APPBP2: variants seen among roughly 807,000 people sequenced by gnomAD.
APPBP2 encodes the protein amyloid protein-binding protein 2.
A neutral mutation model predicts 76.0 loss-of-function variants in APPBP2; 15 were observed. The observed-to-expected ratio is 0.20, with a 90% CI of 0.13 to 0.30. The LOEUF (loss-of-function observed/expected upper bound fraction) is 0.30. Among genes scored for constraint, APPBP2 ranks in the 10% least tolerant of loss-of-function variants. The probability of loss-of-function intolerance (pLI) is 1.00; values close to 1 mark genes in which losing one functional copy is unlikely to be tolerated. For missense variants in APPBP2, 401 were observed against 687.2 expected (o/e 0.58, Z 4.66); for synonymous variants, 222 against 242.2 (o/e 0.92, Z 0.77).
intron 1 of APPBP2, among the ~76,000 whole-genome samples, chr17:60,517,269 T>C (rs1391368326): frequency 1.3e-5 from 2 of 152,098 alleles, no homozygotes; most frequent in Non-Finnish European, 2.9e-5. Flanking sequence ...AGCCACCATG[T>C]TGGGCCTTTT....
chr17:60,525,810 A>C lies in APPBP2; in HGVS notation c.122T>G (p.Phe41Cys). The C allele has an allele frequency of 1.2e-6, 2 of 1,612,976 alleles. No individual in the cohort carries two copies. Among genetic ancestry groups the C allele is most frequent in the Non-Finnish European group, 1.7e-6 (2 of 1,179,832 alleles). The change falls in exon 1 of 13, where the codon TTT (phenylalanine) becomes TGT (cysteine). Residue 41 changes from phenylalanine (F) to cysteine (C), a missense_variant. Transcript: ENST00000083182. Reference sequence around the variant, plus strand: ...GGCGCATACCTTGTAGTAAACATCAAACTGGATGTTCTCGGGCAAGGAGCG... The same window carrying C: ...GGCGCATACCTTGTAGTAAACATCACACTGGATGTTCTCGGGCAAGGAGCG... ...DIRSLPENIQ[F>C]DVYYKLYQQG...
chr17:60,470,952 G>T (rs2090547958), intron 4 of APPBP2, among the ~76,000 whole-genome samples: 1 of 149,828 alleles, frequency 6.7e-6, no homozygotes, highest in Non-Finnish European at 1.5e-5. Context: ...CACCACGCCT[G>T]GCTAATTTTT....
At chr17:60,487,134 CT>C (rs1350607291) in intron 3 of APPBP2, among the ~76,000 whole-genome samples, 2 of 151,848 alleles carry the variant, frequency 1.3e-5, no homozygotes, top group African/African-American at 4.8e-5. Context: ...ACATTTTTTC[CT>C]TCATTTTTAT....
At chr17:60,496,558 A>G (rs541332937) in intron 2 of APPBP2, 1 of 152,320 alleles carries the variant, frequency 6.6e-6, no homozygotes, top group African/African-American at 2.4e-5. Context: ...AATGTTTTTA[A>G]AAGTTTTTCT....
At chr17:60,470,402 G>A (rs1475272070) in intron 4 of APPBP2, among the ~76,000 whole-genome samples, 1 of 151,844 alleles carries the variant, frequency 6.6e-6, no homozygotes, top group Non-Finnish European at 1.5e-5. Context: ...TGAGACGACA[G>A]GCCAGTGCCA....
intron 10 of APPBP2, among the ~76,000 whole-genome samples, chr17:60,454,889 A>G (rs2090421001): frequency 6.6e-6 from 1 of 152,184 alleles, no homozygotes; most frequent in South Asian, 2.1e-4. Context: ...CACACTTTAT[A>G]AAACATAACC....
intron 1 of APPBP2, among the ~76,000 whole-genome samples, chr17:60,521,493 T>C: frequency 6.6e-6 from 1 of 152,222 alleles, no homozygotes; most frequent in East Asian, 1.9e-4. Context: ...TCTTATCTTT[T>C]ATACTGTACC....
chr17:60,505,057 T>C (rs545236260), intron 1 of APPBP2, among the ~76,000 whole-genome samples: 1 of 152,310 alleles, frequency 6.6e-6, no homozygotes, highest in Non-Finnish European at 1.5e-5. Flanking sequence ...AAATTGTATA[T>C]CTACATTATA....
At chr17:60,520,347 C>A (rs922222382) in intron 1 of APPBP2, among the ~76,000 whole-genome samples, 1 of 152,034 alleles carries the variant, frequency 6.6e-6, no homozygotes, top group Non-Finnish European at 1.5e-5. Context: ...CCGAGGCAGG[C>A]AGATCACCTG....
intron 1 of APPBP2, among the ~76,000 whole-genome samples, chr17:60,507,286 A>T (rs2090876307): frequency 6.6e-6 from 1 of 151,694 alleles, no homozygotes; most frequent in Non-Finnish European, 1.5e-5. Flanking sequence ...CAGTGGCAAA[A>T]TCTTGACTCA....
intron 1 of APPBP2, among the ~76,000 whole-genome samples, chr17:60,515,276 T>C (rs1598376246): frequency 6.6e-6 from 1 of 151,594 alleles, no homozygotes; most frequent in East Asian, 1.9e-4. Flanking sequence ...CCACCATGCC[T>C]GGCTAATTTT....
At chr17:60,525,471 C>A (rs1242251689) in intron 1 of APPBP2, among the ~76,000 whole-genome samples, 10 of 152,172 alleles carry the variant, frequency 6.6e-5, no homozygotes, top group East Asian at 1.9e-4. Flanking sequence ...AAGATACGGG[C>A]TAGAAGGAAA....
intron 5 of APPBP2, 137 bp downstream of exon 5, chr17:60,466,154 T>C: frequency 2.4e-6 from 2 of 822,930 alleles, no homozygotes; most frequent in Admixed American, 3.3e-5. Context: ...AAATTTTCCA[T>C]TACAAATGTG....
intron 6 of APPBP2, 58 bp downstream of exon 6, chr17:60,463,958 TAAAAC>T (rs2143327342): frequency 2.4e-6 from 3 of 1,228,084 alleles, no homozygotes; most frequent in East Asian, 2.6e-5. Context: ...ACAGGTTAAT[TAAAAC>T]AAACTTAAAG....
chr17:60,514,652 A>G (rs1428429155), intron 1 of APPBP2, among the ~76,000 whole-genome samples: 2 of 152,182 alleles, frequency 1.3e-5, no homozygotes, highest in Non-Finnish European at 2.9e-5. Context: ...GCTTATGAAC[A>G]AACACTGAAT....
chr17:60,503,358 T>C (rs2090838618), intron 1 of APPBP2, among the ~76,000 whole-genome samples: 1 of 145,898 alleles, frequency 6.9e-6, no homozygotes. Context: ...TTTCAACTCA[T>C]CCTTACCAAG....
chr17:60,450,855 T>C (rs1481306228), intron 12 of APPBP2, among the ~76,000 whole-genome samples: 1 of 151,582 alleles, frequency 6.6e-6, no homozygotes, highest in African/African-American at 2.4e-5. Context: ...CAAGCAAGAA[T>C]AAGAGATGAT....
At chr17:60,519,915 C>G (rs752835215) in intron 1 of APPBP2, among the ~76,000 whole-genome samples, 8 of 151,548 alleles carry the variant, frequency 5.3e-5, no homozygotes, top group Non-Finnish European at 8.8e-5. Flanking sequence ...TCCTGAGTAG[C>G]TGAGACTACA....
intron 1 of APPBP2, 123 bp from the exon 2 acceptor site, chr17:60,500,610 CACTA>C: frequency 1.4e-6 from 1 of 706,878 alleles, no homozygotes. Context: ...AGAAATGTAA[CACTA>C]ACAAATTTCT....
Sources: allele counts gnomAD v4.1 joint callset (sites outside exome capture counted in the v4.1 genomes callset), GRCh38; gene constraint gnomAD v4.1.1; transcripts MANE v1.5; gene names NCBI Gene and HGNC (gene_info 2026-07-23, HGNC 2026-07-21).